The following VPS13B variants were observed in gnomAD, a reference collection of about 807,000 sequenced individuals.
VPS13B encodes the protein intermembrane lipid transfer protein VPS13B.
In VPS13B, 285 loss-of-function variants were observed where a neutral mutation model predicts 426.4. That is an observed-to-expected ratio of 0.67 (90% CI 0.61 to 0.74). The LOEUF (loss-of-function observed/expected upper bound fraction) is 0.74, where lower values mean the gene tolerates loss of function less well. Ranked by LOEUF, VPS13B falls within the 30% of genes least tolerant of loss-of-function variation. The pLI is 0.00. For synonymous variants in VPS13B, 1,676 were observed against 1,676.4 expected (o/e 1.00, Z 0.01); for missense variants, 4,537 against 4,782.6 (o/e 0.95, Z 1.51).
intron 33 of VPS13B, among the ~76,000 whole-genome samples, chr8:99,596,372 T>A (rs905971105): frequency 1.3e-5 from 2 of 152,024 alleles, no homozygotes; most frequent in East Asian, 3.9e-4. Flanking sequence ...AACATTTCAC[T>A]TGGAGACTGT....
chr8:99,470,603 AGAAAG>A, intron 24 of VPS13B, among the ~76,000 whole-genome samples: 1 of 152,214 alleles, frequency 6.6e-6, no homozygotes, highest in South Asian at 2.1e-4. Flanking sequence ...AATTTGAAAA[AGAAAG>A]GAAAAAAGTT....
Position 99,156,537 on chromosome 8 carries a change from A to G in VPS13B, c.2014-12A>G, listed in dbSNP as rs559491564. 9.9e-6 allele frequency: 16 copies of G among 1,613,526 alleles called. No individual in the cohort carries two copies. The highest frequency in any genetic ancestry group is 2.2e-5 in the South Asian group (2 of 91,070). On this transcript the variant is annotated splice_polypyrimidine_tract_variant and intron_variant, in intron 14 of 61. Coordinates refer to ENST00000357162, the MANE Select transcript of VPS13B (RefSeq NM_152564.5). The stretch of plus-strand genomic sequence containing the variant: ...ACTTTTAAAATATAAAGCGAACACT[A>G]TTATTTTCTAGAACTCAAGTAACTT...
At chr8:99,112,996 CTTCTT>C (rs1245297714) in intron 6 of VPS13B, among the ~76,000 whole-genome samples, 2 of 151,918 alleles carry the variant, frequency 1.3e-5, no homozygotes, top group Non-Finnish European at 1.5e-5. Context: ...TTATTTCTTT[CTTCTT>C]TTCTTTTCTC....
intron 21 of VPS13B, among the ~76,000 whole-genome samples, chr8:99,424,729 T>TA (rs1256952560): frequency 6.6e-6 from 1 of 151,974 alleles, no homozygotes; most frequent in East Asian, 1.9e-4. Flanking sequence ...TTGAAGGAAA[T>TA]AGAGACATTT....
chr8:99,172,413 AAAGTTC>A (rs1295268011), intron 16 of VPS13B, among the ~76,000 whole-genome samples: 1 of 152,152 alleles, frequency 6.6e-6, no homozygotes, highest in Admixed American at 6.6e-5. Context: ...GTACCTAGTT[AAAGTTC>A]ATGACGGTCC....
chr8:99,095,365 G>A (rs1265489350), intron 3 of VPS13B, among the ~76,000 whole-genome samples: 2 of 152,042 alleles, frequency 1.3e-5, no homozygotes, highest in Non-Finnish European at 2.9e-5. Context: ...TGCTACATAC[G>A]TTGATACTGT....
At chr8:99,716,311 A>G (rs1421719103) in intron 36 of VPS13B, among the ~76,000 whole-genome samples, 2 of 152,074 alleles carry the variant, frequency 1.3e-5, no homozygotes, top group South Asian at 2.1e-4. Context: ...GTGTTTTTTA[A>G]TCTTTCATCT....
At chr8:99,317,284 G>A (rs931804829) in intron 19 of VPS13B, among the ~76,000 whole-genome samples, 5 of 152,108 alleles carry the variant, frequency 3.3e-5, no homozygotes, top group Non-Finnish European at 7.3e-5. Context: ...GGTACAGTGT[G>A]ATGTTTCAAT....
At chr8:99,506,030 A>G (rs79433070) in intron 27 of VPS13B, among the ~76,000 whole-genome samples, 2,132 of 152,252 alleles carry the variant, frequency 0.014, 50 homozygotes, top group African/African-American at 0.047. Context: ...TTTATTTTCT[A>G]TATTTTATAT....
chr8:99,525,500 G>A (rs1485537509), intron 30 of VPS13B, among the ~76,000 whole-genome samples: 1 of 152,100 alleles, frequency 6.6e-6, no homozygotes, highest in East Asian at 1.9e-4. Context: ...TAAATCAGTG[G>A]ATGTTACAAT....
chr8:99,326,793 C>A (rs796191488), intron 19 of VPS13B, among the ~76,000 whole-genome samples: 49 of 152,144 alleles, frequency 3.2e-4, no homozygotes, highest in African/African-American at 9.9e-4. Context: ...ATACTTTTTT[C>A]ATACTTTAAC....
At chr8:99,297,687 G>A (rs1820121139) in intron 19 of VPS13B, among the ~76,000 whole-genome samples, 1 of 152,170 alleles carries the variant, frequency 6.6e-6, no homozygotes, top group Admixed American at 6.5e-5. Context: ...TAGTGTTTAT[G>A]TTTTGGTGAA....
intron 3 of VPS13B, among the ~76,000 whole-genome samples, chr8:99,086,237 C>A (rs920447940): frequency 2.0e-5 from 3 of 152,170 alleles, no homozygotes; most frequent in African/African-American, 7.2e-5. Context: ...ACCCTTTCTT[C>A]CAATTGATTG....
At chr8:99,436,210 T>A (rs1817366155) in intron 22 of VPS13B, among the ~76,000 whole-genome samples, 1 of 152,212 alleles carries the variant, frequency 6.6e-6, no homozygotes, top group Admixed American at 6.5e-5. Flanking sequence ...CTTGCTTATT[T>A]GTAGTATAAA....
Position 99,819,955 on chromosome 8 carries a change from C to T in VPS13B, c.8827C>T (p.Arg2943Ter), listed in dbSNP as rs755996065. 5.0e-6 allele frequency: 8 copies of T among 1,613,820 alleles called. No homozygotes were observed. The East Asian group carries it at 6.7e-5, about 13-fold the overall frequency. ...EQLSQWDSPM[R>*]VKLSIWKPYV... Reference sequence around the variant, plus strand: ...GCTAAGTCAGTGGGATAGCCCAATGCGAGTGAAGCTGTCAATCTGGAAGCC... The same window carrying T: ...GCTAAGTCAGTGGGATAGCCCAATGTGAGTGAAGCTGTCAATCTGGAAGCC... The change falls in exon 49 of 62, where the codon CGA becomes TGA. Residue 2943 changes from arginine (R) to a stop codon, truncating the protein, a stop_gained. Coordinates refer to ENST00000357162, the MANE Select transcript of VPS13B (RefSeq NM_152564.5). LOFTEE classifies it high-confidence loss of function.
At chr8:99,633,227 AT>A (rs1828920486) in intron 33 of VPS13B, among the ~76,000 whole-genome samples, 1 of 152,048 alleles carries the variant, frequency 6.6e-6, no homozygotes, top group African/African-American at 2.4e-5. Context: ...ATCAATAGAA[AT>A]TTCTCCAAGT....
Position 99,877,192 on chromosome 8 carries a change from A to G in VPS13B, c.*1526A>G, listed in dbSNP as rs1235054160. ...GATCTTTAACTCTCACATGTTGGGC[A>G]TAAGAAGTCACTATATAATTGTTAC... On this transcript the variant is annotated 3_prime_UTR_variant, in exon 62 of 62. Coordinates refer to ENST00000357162, the MANE Select transcript of VPS13B (RefSeq NM_152564.5). The G allele has an allele frequency of 1.3e-5, 2 of 152,258 alleles. No homozygotes were observed. The highest frequency in any genetic ancestry group is 2.9e-5 in the Non-Finnish European group (2 of 68,040). The allele number at this position is 152,258 out of a possible 1,614,324, so 9.4% of individuals were successfully genotyped here. A position where few individuals can be genotyped will look rare whatever the true frequency, so the allele number is the denominator to read the frequency against.
At chr8:99,090,636 TTAGA>T (rs1280380979) in intron 3 of VPS13B, among the ~76,000 whole-genome samples, 4 of 152,200 alleles carry the variant, frequency 2.6e-5, no homozygotes, top group African/African-American at 4.8e-5. Flanking sequence ...GGTAAAATAC[TTAGA>T]TAAAGGTATC....
intron 23 of VPS13B, among the ~76,000 whole-genome samples, chr8:99,446,427 T>C (rs565314471): frequency 1.3e-5 from 2 of 152,258 alleles, no homozygotes; most frequent in South Asian, 4.1e-4. Flanking sequence ...TCTCAGTCTT[T>C]GTGTTTTAAA....
Sources: allele counts gnomAD v4.1 joint callset (sites outside exome capture counted in the v4.1 genomes callset), GRCh38; gene constraint gnomAD v4.1.1; transcripts MANE v1.5; gene names NCBI Gene and HGNC (gene_info 2026-07-23, HGNC 2026-07-21).